Variants in AEBP2 observed in about 807,000 individuals in gnomAD.
AEBP2 encodes the protein zinc finger protein AEBP2.
In AEBP2, 10 loss-of-function variants were observed where a neutral mutation model predicts 50.8. The observed-to-expected ratio is 0.20, with a 90% CI of 0.12 to 0.33. The LOEUF (loss-of-function observed/expected upper bound fraction) is 0.33, where lower values mean the gene tolerates loss of function less well. Among genes scored for constraint, AEBP2 ranks in the 10% least tolerant of loss-of-function variants. The pLI, the probability that AEBP2 is intolerant of heterozygous loss-of-function variation, is 1.00. For missense variants in AEBP2, 570 were observed against 688.0 expected (o/e 0.83, Z 1.92); for synonymous variants, 296 against 261.3 (o/e 1.13, Z -1.28).
intron 1 of AEBP2, among the ~76,000 whole-genome samples, chr12:19,460,786 C>G (rs1948361800): frequency 6.6e-6 from 1 of 151,978 alleles, no homozygotes; most frequent in Admixed American, 6.6e-5. Context: ...TCCCGAGTAG[C>G]TGGGACTGCA....
intron 3 of AEBP2, among the ~76,000 whole-genome samples, chr12:19,486,674 T>C (rs960998665): frequency 6.6e-6 from 1 of 152,164 alleles, no homozygotes; most frequent in African/African-American, 2.4e-5. Flanking sequence ...TGAGGCACCA[T>C]GCTCGACCAT....
chr12:19,413,527 ATATT>A, intron 1 of AEBP2: 1 of 761,986 alleles, frequency 1.3e-6, no homozygotes, highest in Non-Finnish European at 2.4e-6. Context: ...ATCTGATTAA[ATATT>A]TAGTTTGTTT....
intron 5 of AEBP2, among the ~76,000 whole-genome samples, chr12:19,510,865 CTTTT>C (rs58870259): frequency 4.5e-5 from 4 of 89,034 alleles, no homozygotes; most frequent in African/African-American, 2.0e-4. Flanking sequence ...AAGGTAGTGA[CTTTT>C]TTTTTTTTTT....
intron 1 of AEBP2, among the ~76,000 whole-genome samples, chr12:19,458,328 T>G (rs1432941297): frequency 1.3e-5 from 2 of 152,166 alleles, no homozygotes; most frequent in African/African-American, 4.8e-5. Flanking sequence ...TCCTAGAAGT[T>G]GGAGGAGCCT....
At chr12:19,414,894 G>T (rs1390785534) in intron 1 of AEBP2, among the ~76,000 whole-genome samples, 1 of 150,908 alleles carries the variant, frequency 6.6e-6, no homozygotes, top group Non-Finnish European at 1.5e-5. Flanking sequence ...CTGCACTCCA[G>T]CTTGGGCAAC....
intron 2 of AEBP2, among the ~76,000 whole-genome samples, chr12:19,471,185 A>AACCTCCTCTTTGTTACTT (rs1217374433): frequency 6.6e-6 from 1 of 151,960 alleles, no homozygotes; most frequent in African/African-American, 2.4e-5. Context: ...GCATGATTAT[A>AACCTCCTCTTTGTTACTT]GCAGTTCATT....
At chr12:19,443,755 AT>A (rs928182568) in intron 1 of AEBP2, among the ~76,000 whole-genome samples, 1 of 152,128 alleles carries the variant, frequency 6.6e-6, no homozygotes, top group Non-Finnish European at 1.5e-5. Flanking sequence ...AGACATAGAT[AT>A]TAGAGGTTAT....
intron 2 of AEBP2, among the ~76,000 whole-genome samples, chr12:19,465,166 G>A (rs1162202601): frequency 3.3e-5 from 5 of 151,904 alleles, no homozygotes; most frequent in African/African-American, 4.8e-5. Flanking sequence ...AGGCTGAGGC[G>A]CGCGGATCAC....
chr12:19,412,349 T>C (rs11044539), intron 1 of AEBP2, among the ~76,000 whole-genome samples: 4,224 of 152,100 alleles, frequency 0.028, 61 homozygotes, highest in East Asian at 0.044. Context: ...GTGATCTTAG[T>C]TCACTACAAC....
intron 5 of AEBP2, among the ~76,000 whole-genome samples, chr12:19,510,138 A>T (rs1340916804): frequency 1.3e-5 from 2 of 152,188 alleles, no homozygotes; most frequent in African/African-American, 4.8e-5. Flanking sequence ...ACTGCATAGT[A>T]TTCCAGTATA....
intron 4 of AEBP2, among the ~76,000 whole-genome samples, chr12:19,497,916 A>G (rs1039415424): frequency 2.0e-5 from 3 of 152,262 alleles, no homozygotes; most frequent in African/African-American, 7.2e-5. Context: ...TTGAAAAAGA[A>G]TGAGATGAAG....
chr12:19,512,534 A>ATTTATT lies in AEBP2; in HGVS notation c.1367+69_1367+70insTTTATT, dbSNP rs1565738659. The ATTTATT allele has an allele frequency of 2.3e-4, 222 of 977,368 alleles. 1 individual carries two copies. In the African/African-American group the frequency reaches 3.3e-3, roughly 14 times the overall value. The allele number at this position is 977,368 out of a possible 1,614,324, so 60.5% of individuals were successfully genotyped here. A position where few individuals can be genotyped will look rare whatever the true frequency, so the allele number is the denominator to read the frequency against. ...TATTTTTGTTAAAATCTTACACACA[A>ATTTATT]AAATTATTTATTAAATTCAAATAAA... On this transcript the variant is annotated intron_variant, in intron 6 of 7. Transcript: ENST00000266508.
Position 19,474,125 on chromosome 12 carries a change from T to C in AEBP2, c.987+770T>C, listed in dbSNP as rs530583880. 2.6e-5 allele frequency among the ~76,000 whole-genome samples: 4 copies of C among 152,308 alleles called. 1 individual carries two copies. Among genetic ancestry groups the C allele is most frequent in the African/African-American group, 9.6e-5 (4 of 41,582 alleles). Reference sequence around the variant, plus strand: ...TCACACTACTGAGCTTAGTTGTAATTAGTTGTAAATCACTTTTGTCAAATT... The same window carrying C: ...TCACACTACTGAGCTTAGTTGTAATCAGTTGTAAATCACTTTTGTCAAATT... On this transcript the variant is annotated intron_variant, in intron 3 of 7. Coordinates refer to ENST00000266508, the MANE Select transcript of AEBP2 (RefSeq NM_153207.5).
At chr12:19,481,862 G>C (rs571885468) in intron 3 of AEBP2, among the ~76,000 whole-genome samples, 1 of 152,198 alleles carries the variant, frequency 6.6e-6, no homozygotes, top group East Asian at 1.9e-4. Context: ...TTTTTCTCTG[G>C]AGAATTTTTC....
intron 1 of AEBP2, among the ~76,000 whole-genome samples, chr12:19,410,183 T>C (rs942394216): frequency 2.0e-5 from 3 of 152,156 alleles, no homozygotes; most frequent in Non-Finnish European, 4.4e-5. Flanking sequence ...TCCCCCGCTA[T>C]GGTTGTGGAG....
chr12:19,455,094 C>G (rs549650840), intron 1 of AEBP2, among the ~76,000 whole-genome samples: 22 of 151,328 alleles, frequency 1.5e-4, no homozygotes, highest in Admixed American at 3.3e-4. Context: ...CCTTGGACTT[C>G]TAGCAATCCT....
chr12:19,513,569 G>A (rs1231812195), intron 6 of AEBP2, among the ~76,000 whole-genome samples: 3 of 152,072 alleles, frequency 2.0e-5, no homozygotes, highest in Non-Finnish European at 4.4e-5. Context: ...GATCAGCCTG[G>A]GCAGTATAGT....
At chr12:19,417,977 C>T (rs1225431526) in intron 1 of AEBP2, among the ~76,000 whole-genome samples, 1 of 152,136 alleles carries the variant, frequency 6.6e-6, no homozygotes, top group African/African-American at 2.4e-5. Context: ...GTTGGGATTA[C>T]AGTCATGAGG....
In AEBP2 at chr12:19,439,610, T is replaced by C; in HGVS notation, c.-90T>C. The stretch of plus-strand genomic sequence containing the variant: ...GCTCTGCAGCGGCGTCGGCGGAGTT[T>C]TGGGCGTTTGGGAGGGGGGCGAGGG... On this transcript the variant is annotated 5_prime_UTR_variant, in exon 1 of 8. Transcript: ENST00000266508. 6.9e-7 allele frequency: 1 copy of C among 1,448,378 alleles called. No homozygotes were observed. Among genetic ancestry groups the C allele is most frequent in the South Asian group, 1.3e-5 (1 of 74,470 alleles). 89.7% of individuals were successfully genotyped at this position (1,448,378 alleles called of 1,614,324 possible). A position where few individuals can be genotyped will look rare whatever the true frequency, so the allele number is the denominator to read the frequency against.
Sources: gnomAD v4.1 joint callset for allele counts (sites outside exome capture counted in the v4.1 genomes callset) on GRCh38, gnomAD v4.1.1 for gene constraint, MANE v1.5 for transcripts, NCBI Gene and HGNC (gene_info 2026-07-23, HGNC 2026-07-21) for gene names.